The following PRKN variants were observed in gnomAD, a reference collection of about 807,000 sequenced individuals.
PRKN encodes E3 ubiquitin-protein ligase parkin.
In PRKN, 56 loss-of-function variants were observed where a neutral mutation model predicts 59.5. The ratio of observed to expected loss-of-function variants is 0.94; its 90% CI spans 0.76 to 1.18. The LOEUF (loss-of-function observed/expected upper bound fraction) is 1.18, where lower values mean the gene tolerates loss of function less well. Among genes scored for constraint, PRKN ranks in the 50% most tolerant of loss-of-function variants. The pLI, the probability that PRKN is intolerant of heterozygous loss-of-function variation, is 0.00. For synonymous variants in PRKN, 250 were observed against 222.1 expected, an observed-to-expected ratio of 1.13 and a Z score of -1.12; for missense variants, 657 against 596.4, an observed-to-expected ratio of 1.10 and a Z score of -1.06.
intron 1 of PRKN, among the ~76,000 whole-genome samples, chr6:162,720,446 T>C (rs1427294930): frequency 2.1e-5 from 3 of 145,390 alleles, no homozygotes; most frequent in Non-Finnish European, 4.5e-5. Flanking sequence ...GTCTTTTTTT[T>C]TTTTTTTTTT....
chr6:161,753,570 T>C (rs190638757), intron 7 of PRKN, among the ~76,000 whole-genome samples: 14 of 152,280 alleles, frequency 9.2e-5, no homozygotes, highest in Non-Finnish European at 1.8e-4. Flanking sequence ...GTTCAGTTAT[T>C]GACTGGCTGA....
At chr6:162,648,026 C>A (rs975081095) in intron 1 of PRKN, among the ~76,000 whole-genome samples, 2 of 146,272 alleles carry the variant, frequency 1.4e-5, no homozygotes, top group Non-Finnish European at 3.0e-5. Context: ...CTAAATATTC[C>A]CCCACATCAC....
At chr6:161,779,440 C>CTTTTTTTTCTTTTTTTT (rs1790102891) in intron 7 of PRKN, among the ~76,000 whole-genome samples, 1 of 41,848 alleles carries the variant, frequency 2.4e-5, no homozygotes, top group Non-Finnish European at 3.9e-5. Context: ...CTTTTCTTTT[C>CTTTTTTTTCTTTTTTTT]TTTTTTTTTT....
chr6:162,398,417 T>C (rs1041448370), intron 2 of PRKN, among the ~76,000 whole-genome samples: 1 of 150,320 alleles, frequency 6.7e-6, no homozygotes, highest in Non-Finnish European at 1.5e-5. Flanking sequence ...TGAGACAGAG[T>C]TTTGCTCTTA....
intron 6 of PRKN, among the ~76,000 whole-genome samples, chr6:161,853,848 T>C (rs1334028226): frequency 6.6e-6 from 1 of 152,184 alleles, no homozygotes; most frequent in Non-Finnish European, 1.5e-5. Flanking sequence ...CAGACATTAC[T>C]AACCCATCAT....
chr6:161,881,939 G>A (rs1414238593), intron 6 of PRKN, among the ~76,000 whole-genome samples: 1 of 152,144 alleles, frequency 6.6e-6, no homozygotes, highest in Non-Finnish European at 1.5e-5. Context: ...CCATGGCAGA[G>A]TGGGAAACTG....
chr6:161,682,899 C>T (rs1287410644), intron 7 of PRKN, among the ~76,000 whole-genome samples: 3 of 152,178 alleles, frequency 2.0e-5, no homozygotes, highest in Non-Finnish European at 2.9e-5. Context: ...TCAGTTACCT[C>T]GGTGGCCCAA....
chr6:162,568,501 T>C (rs1780177969), intron 1 of PRKN: 2 of 687,230 alleles, frequency 2.9e-6, no homozygotes, highest in African/African-American at 1.8e-5. Flanking sequence ...ATCACCGCCG[T>C]TGTGGTCAAC....
At chr6:161,877,255 T>A (rs1357288756) in intron 6 of PRKN, among the ~76,000 whole-genome samples, 1 of 151,982 alleles carries the variant, frequency 6.6e-6, no homozygotes, top group Non-Finnish European at 1.5e-5. Flanking sequence ...GGCGGCCCCA[T>A]TCCTCCTGTC....
chr6:162,430,330 G>A (rs1339280804), intron 2 of PRKN, among the ~76,000 whole-genome samples: 2 of 152,112 alleles, frequency 1.3e-5, no homozygotes, highest in African/African-American at 4.8e-5. Context: ...CATTTTAGGA[G>A]AGGAACTGAG....
At chr6:162,401,429 A>G (rs1424768365) in intron 2 of PRKN, among the ~76,000 whole-genome samples, 1 of 152,112 alleles carries the variant, frequency 6.6e-6, no homozygotes, top group Non-Finnish European at 1.5e-5. Context: ...ATCATAGCTT[A>G]CTGTAGCCTA....
intron 6 of PRKN, among the ~76,000 whole-genome samples, chr6:161,966,010 G>C (rs1780565128): frequency 6.6e-6 from 1 of 151,990 alleles, no homozygotes; most frequent in South Asian, 2.1e-4. Context: ...TATCTAGATA[G>C]AAAAATATCT....
intron 6 of PRKN, among the ~76,000 whole-genome samples, chr6:161,930,729 A>T (rs1779142432): frequency 6.6e-6 from 1 of 152,218 alleles, no homozygotes; most frequent in South Asian, 2.1e-4. Context: ...TAATCAGCTG[A>T]TCTTCAGATA....
At chr6:162,152,512 C>T (rs1562544161) in intron 4 of PRKN, among the ~76,000 whole-genome samples, 1 of 152,220 alleles carries the variant, frequency 6.6e-6, no homozygotes, top group East Asian at 1.9e-4. Context: ...TTGAAATGAC[C>T]AAGGCATCAG....
chr6:161,482,147 CTG>C (rs1272399197), intron 9 of PRKN, among the ~76,000 whole-genome samples: 3 of 152,106 alleles, frequency 2.0e-5, no homozygotes, highest in African/African-American at 4.8e-5. Flanking sequence ...TTTTTGAAAA[CTG>C]TATATTCAAA....
intron 1 of PRKN, among the ~76,000 whole-genome samples, chr6:162,677,652 A>G (rs2128231839): frequency 6.6e-6 from 1 of 152,208 alleles, no homozygotes; most frequent in Non-Finnish European, 1.5e-5. Flanking sequence ...TTACACTAGA[A>G]AGCTAGTCTG....
Position 162,542,972 on chromosome 6 carries a change from G to A in PRKN, c.8-99499C>T, listed in dbSNP as rs185128943. On this transcript the variant is annotated intron_variant, in intron 1 of 11. Transcript: ENST00000366898. ...TCTTCCTCCTACTGACCCAATGGTC[G>A]ACTCCCCCCAGGACTGCTTCTCTGA... Among the ~76,000 whole-genome samples the A allele has an allele frequency of 1.7e-3, 260 of 152,120 alleles. 1 individual carries two copies. The highest frequency in any genetic ancestry group is 1.4e-3 in the Non-Finnish European group (96 of 67,988).
intron 2 of PRKN, among the ~76,000 whole-genome samples, chr6:162,344,180 G>C (rs1365036084): frequency 6.6e-6 from 1 of 152,082 alleles, no homozygotes; most frequent in Non-Finnish European, 1.5e-5. Context: ...GTTAAGACTT[G>C]GTTTTTTTGA....
chr6:162,279,345 AAAAG>A lies in PRKN; in HGVS notation c.172-16584_172-16581del, dbSNP rs1290272968. Among the ~76,000 whole-genome samples, 196 of 151,996 alleles carry A rather than the reference AAAAG, an allele frequency of 1.3e-3. 1 individual carries two copies. The highest frequency in any genetic ancestry group is 4.1e-3 in the African/African-American group (169 of 41,454). On this transcript the variant is annotated intron_variant, in intron 2 of 11. Transcript: ENST00000366898. ...CGACAGAGACTCCATTAAAACAAAA[AAAAG>A]AAAGAAAGAAAGAGAGAGAGAGAGA... is the stretch of plus-strand genomic sequence containing the variant.
Sources: gnomAD v4.1 joint callset for allele counts (sites outside exome capture counted in the v4.1 genomes callset) on GRCh38, gnomAD v4.1.1 for gene constraint, MANE v1.5 for transcripts, NCBI Gene and HGNC (gene_info 2026-07-23, HGNC 2026-07-21) for gene names.